DNAI7: variants seen among roughly 807,000 people sequenced by gnomAD.
DNAI7 encodes dynein axonemal intermediate chain 7.
A neutral mutation model predicts 86.6 loss-of-function variants in DNAI7; 78 were observed. The observed-to-expected ratio is 0.90, with a 90% confidence interval of 0.75 to 1.09. The LOEUF is 1.09. DNAI7 is among the 50% of genes least tolerant of loss of function. The pLI is 0.00. For synonymous variants in DNAI7, 274 were observed against 273.0 expected (o/e 1.00, Z -0.04); for missense variants, 753 against 810.2 (o/e 0.93, Z 0.86).
intron 12 of DNAI7, among the ~76,000 whole-genome samples, chr12:25,118,187 C>T (rs567153806): frequency 6.6e-6 from 1 of 152,210 alleles, no homozygotes; most frequent in South Asian, 2.1e-4. Context: ...CCCGCCTTGG[C>T]ACTCCAAAGT....
chr12:25,126,425 G>C (rs17387444), intron 9 of DNAI7, among the ~76,000 whole-genome samples: 17,591 of 152,140 alleles, frequency 0.12, 1,354 homozygotes, highest in Admixed American at 0.16. Flanking sequence ...TAGAAGTCCA[G>C]TGTAGACAAG....
At chr12:25,112,476 G>A (rs562034030) in intron 13 of DNAI7, among the ~76,000 whole-genome samples, 2 of 130,032 alleles carry the variant, frequency 1.5e-5, no homozygotes, top group East Asian at 2.3e-4. Flanking sequence ...GTGTGATCTT[G>A]GCTCACTGCA....
At chr12:25,186,374 T>C (rs1318828182) in intron 2 of DNAI7, among the ~76,000 whole-genome samples, 1 of 152,200 alleles carries the variant, frequency 6.6e-6, no homozygotes, top group East Asian at 1.9e-4. Context: ...ACATTATCTT[T>C]GTAGTCTGGT....
At chr12:25,168,716 CCAAG>C (rs138580427) in intron 2 of DNAI7, among the ~76,000 whole-genome samples, 4,019 of 152,204 alleles carry the variant, frequency 0.026, 186 homozygotes, top group African/African-American at 0.092. Context: ...AACTTGCCAA[CCAAG>C]CAAGTAATTA....
intron 2 of DNAI7, among the ~76,000 whole-genome samples, chr12:25,171,304 G>A (rs1047202555): frequency 5.9e-5 from 9 of 151,884 alleles, no homozygotes; most frequent in African/African-American, 1.7e-4. Context: ...TACAACTGAC[G>A]CCACTGAAAT....
intron 9 of DNAI7, among the ~76,000 whole-genome samples, chr12:25,140,115 T>A (rs2140780698): frequency 6.6e-6 from 1 of 152,216 alleles, no homozygotes; most frequent in African/African-American, 2.4e-5. Flanking sequence ...ATTGAAAGCA[T>A]TACCCCTGAG....
intron 9 of DNAI7, among the ~76,000 whole-genome samples, chr12:25,128,140 C>T (rs10771171): frequency 0.51 from 78,026 of 152,088 alleles, 23,331 homozygotes; most frequent in East Asian, 0.89. Context: ...AAAATGTCAG[C>T]ACTGAACACT....
chr12:25,129,770 T>C (rs1406024761), intron 9 of DNAI7, among the ~76,000 whole-genome samples: 5 of 151,316 alleles, frequency 3.3e-5, no homozygotes, highest in Admixed American at 6.6e-5. Flanking sequence ...TATTTTTATT[T>C]TTTTTTTTTG....
chr12:25,180,724 C>T (rs1223208877), intron 2 of DNAI7, among the ~76,000 whole-genome samples: 1 of 152,170 alleles, frequency 6.6e-6, no homozygotes, highest in Non-Finnish European at 1.5e-5. Context: ...GGAAAACTGG[C>T]TAGCCACTTG....
At chr12:25,144,216 A>C in intron 9 of DNAI7, 149 bp downstream of exon 9, 1 of 652,712 alleles carries the variant, frequency 1.5e-6, no homozygotes, top group Non-Finnish European at 2.7e-6. Flanking sequence ...AGGCAAGAAA[A>C]AGATACATAT....
chr12:25,148,966 T>C (rs1370225672), intron 7 of DNAI7, among the ~76,000 whole-genome samples: 1 of 152,132 alleles, frequency 6.6e-6, no homozygotes, highest in Non-Finnish European at 1.5e-5. Flanking sequence ...TATAACATTA[T>C]AGTTTCTTCT....
At chr12:25,193,298 T>A (rs1950702866) in intron 1 of DNAI7, among the ~76,000 whole-genome samples, 1 of 152,180 alleles carries the variant, frequency 6.6e-6, no homozygotes, top group Non-Finnish European at 1.5e-5. Flanking sequence ...TAATCCAATA[T>A]GATTTGTGTC....
chr12:25,107,783 C>A (rs200457909), downstream of DNAI7: 4 of 1,593,696 alleles, frequency 2.5e-6, no homozygotes, highest in Admixed American at 5.0e-5. Context: ...GACAAATTAC[C>A]GATTACCAAA....
At chr12:25,164,298 C>T (rs879407050) in intron 2 of DNAI7, among the ~76,000 whole-genome samples, 73 of 152,060 alleles carry the variant, frequency 4.8e-4, no homozygotes, top group Non-Finnish European at 7.5e-4. Context: ...CCCTTCTCTC[C>T]GTGTCTCTAC....
In DNAI7 at chr12:25,190,490, A is replaced by G. The variant is rs1391220594; in HGVS notation, c.21+124T>C. 3 of 410,518 alleles carry G rather than the reference A, an allele frequency of 7.3e-6. No homozygotes were observed. The Admixed American group carries it at 1.3e-4, about 18-fold the overall frequency. The allele number at this position is 410,518 out of a possible 1,614,324, so 25.4% of individuals were successfully genotyped here. A position where few individuals can be genotyped will look rare whatever the true frequency, so the allele number is the denominator to read the frequency against. Reference sequence around the variant, plus strand: ...CATGATTTAAACTGCATTAATGTCTAAAAAGTAAGCTTAGTAAACTCTACA... The same window carrying G: ...CATGATTTAAACTGCATTAATGTCTGAAAAGTAAGCTTAGTAAACTCTACA... On this transcript the variant is annotated intron_variant, in intron 2 of 15. Coordinates refer to ENST00000395987, the MANE Select transcript of DNAI7 (RefSeq NM_018272.5).
At chr12:25,110,729 C>T (rs1949766196) in intron 14 of DNAI7, among the ~76,000 whole-genome samples, 1 of 152,168 alleles carries the variant, frequency 6.6e-6, no homozygotes, top group Non-Finnish European at 1.5e-5. Flanking sequence ...TGTCATATGG[C>T]CTCAGCCTCA....
intron 2 of DNAI7, among the ~76,000 whole-genome samples, chr12:25,173,952 C>CATATATATGGAATAA (rs1565807892): frequency 5.6e-3 from 19 of 3,396 alleles, no homozygotes; most frequent in African/African-American, 0.013. Flanking sequence ...ATATGGAATA[C>CATATATATGGAATAA]ATATATCATA....
chr12:25,155,259 C>T (rs965179386), intron 5 of DNAI7, 52 bp downstream of exon 5: 3 of 916,514 alleles, frequency 3.3e-6, no homozygotes, highest in African/African-American at 3.4e-5. Flanking sequence ...TGGACTACAC[C>T]TCCCTCTTGT....
At chr12:25,155,477 A>G in intron 4 of DNAI7, 65 bp from the exon 5 acceptor site, 1 of 804,508 alleles carries the variant, frequency 1.2e-6, no homozygotes, top group Non-Finnish European at 2.0e-6. Flanking sequence ...CACAAGTAGC[A>G]TCTAAAACTG....
Sources: gnomAD v4.1 joint callset for allele counts (sites outside exome capture counted in the v4.1 genomes callset) on GRCh38, gnomAD v4.1.1 for gene constraint, MANE v1.5 for transcripts, NCBI Gene and HGNC (gene_info 2026-07-23, HGNC 2026-07-21) for gene names.